SYNRG: variants seen among roughly 807,000 people sequenced by gnomAD.
SYNRG encodes AP1 gamma subunit binding protein 1.
Under a neutral mutation model 130.9 loss-of-function variants are expected in SYNRG, and 37 were observed. The ratio of observed to expected loss-of-function variants is 0.28; its 90% CI spans 0.22 to 0.37. The LOEUF (loss-of-function observed/expected upper bound fraction) is 0.37, where lower values mean the gene tolerates loss of function less well. SYNRG is among the 10% of genes least tolerant of loss of function. The pLI, the probability that SYNRG is intolerant of heterozygous loss-of-function variation, is 1.00. For synonymous variants in SYNRG, 539 were observed against 568.1 expected (o/e 0.95, Z 0.73); for missense variants, 1,338 against 1,588.9 (o/e 0.84, Z 2.68).
chr17:37,601,999 G>C (rs933113274), intron 1 of SYNRG, among the ~76,000 whole-genome samples: 1 of 151,826 alleles, frequency 6.6e-6, no homozygotes, highest in Non-Finnish European at 1.5e-5. Context: ...CTGGGCGACA[G>C]AGTGAGATTC....
intron 19 of SYNRG, among the ~76,000 whole-genome samples, chr17:37,527,514 A>G (rs1399810702): frequency 6.6e-6 from 1 of 152,244 alleles, no homozygotes; most frequent in Non-Finnish European, 1.5e-5. Flanking sequence ...TTGCCAGTAC[A>G]GTCAGCCCTC....
At chr17:37,579,610 A>T (rs753599154) in intron 6 of SYNRG, among the ~76,000 whole-genome samples, 1 of 152,242 alleles carries the variant, frequency 6.6e-6, no homozygotes, top group Non-Finnish European at 1.5e-5. Flanking sequence ...AAACACTTTG[A>T]TGTCTATTTA....
chr17:37,538,195 C>A, intron 18 of SYNRG, 129 bp downstream of exon 18: 1 of 657,126 alleles, frequency 1.5e-6, no homozygotes, highest in Admixed American at 3.2e-5. Context: ...AGTGTCTTAC[C>A]CACAAATACA....
At chr17:37,541,612 T>G (rs749608787) in intron 15 of SYNRG, 3 of 241,310 alleles carry the variant, frequency 1.2e-5, no homozygotes, top group African/African-American at 4.5e-5. Flanking sequence ...TTTGCAACCT[T>G]TGGATTAAAA....
chr17:37,550,070 ATAGT>A (rs956792647), intron 14 of SYNRG, among the ~76,000 whole-genome samples: 2 of 152,164 alleles, frequency 1.3e-5, no homozygotes, highest in African/African-American at 4.8e-5. Flanking sequence ...ACATAACTAG[ATAGT>A]TATAGTTAAC....
chr17:37,591,096 A>G (rs1568506579), intron 3 of SYNRG, among the ~76,000 whole-genome samples: 1 of 152,178 alleles, frequency 6.6e-6, no homozygotes, highest in Non-Finnish European at 1.5e-5. Flanking sequence ...TCCACAAAAA[A>G]ATTCCCAGAG....
chr17:37,548,825 TAAA>T (rs549765253), intron 14 of SYNRG, among the ~76,000 whole-genome samples: 1 of 100,966 alleles, frequency 9.9e-6, no homozygotes, highest in Non-Finnish European at 2.0e-5. Context: ...AACTCTGTCT[TAAA>T]AAAAAAAAAA....
chr17:37,540,217 G>T (rs1308452649), intron 16 of SYNRG, among the ~76,000 whole-genome samples, 163 bp downstream of exon 16: 2 of 152,144 alleles, frequency 1.3e-5, no homozygotes, highest in African/African-American at 4.8e-5. Context: ...TTCACCCAGG[G>T]CTAATGTTAC....
At chr17:37,581,773 T>A (rs1267736604) in intron 6 of SYNRG, among the ~76,000 whole-genome samples, 2 of 149,914 alleles carry the variant, frequency 1.3e-5, no homozygotes, top group African/African-American at 4.9e-5. Flanking sequence ...TTCTTTTTTT[T>A]TTTTTTTTTG....
At chr17:37,576,214 G>T in intron 8 of SYNRG, 127 bp downstream of exon 8, 2 of 855,278 alleles carry the variant, frequency 2.3e-6, no homozygotes, top group South Asian at 1.8e-5. Context: ...TACTCTTTCA[G>T]AAAAAAAGAA....
Position 37,553,227 on chromosome 17 carries a change from G to C in SYNRG, c.2496C>G (p.Leu832=). 13 of 1,614,066 alleles carry C rather than the reference G, an allele frequency of 8.1e-6. No homozygotes were observed. Among genetic ancestry groups the C allele is most frequent in the African/African-American group, 1.3e-5 (1 of 75,042 alleles). The change falls in exon 14 of 22, where the codon CTC becomes CTG. Residue 832 remains leucine, a synonymous_variant. Coordinates refer to ENST00000612223, the MANE Select transcript of SYNRG (RefSeq NM_007247.6). Reference sequence around the variant, plus strand: ...CCAATTTCATGTCAAACTGAACAGAGAGTGCATCTTCAGAGTCCTCCTTGC... The same window carrying C: ...CCAATTTCATGTCAAACTGAACAGACAGTGCATCTTCAGAGTCCTCCTTGC... The part of the protein sequence containing the change: ...SVGKEDSEDA[L]SVQFDMKLAD...
At chr17:37,576,251 G>GT in intron 8 of SYNRG, 90 bp downstream of exon 8, 6 of 1,274,536 alleles carry the variant, frequency 4.7e-6, no homozygotes, top group Non-Finnish European at 6.6e-6. Flanking sequence ...TGCATTTTTT[G>GT]TAAGTGCAAC....
rs2054606268 is a variant in SYNRG at position 37,518,635 on chromosome 17, TCA to T, written c.*303_*304del. The T allele has an allele frequency of 9.3e-6, 3 of 322,294 alleles. No homozygotes were observed. Among genetic ancestry groups the T allele is most frequent in the Non-Finnish European group, 1.7e-5 (3 of 175,928 alleles). The allele number at this position is 322,294 out of a possible 1,614,324, so 20.0% of individuals were successfully genotyped here. On this transcript the variant is annotated 3_prime_UTR_variant, in exon 22 of 22. Transcript: ENST00000612223. The stretch of plus-strand genomic sequence containing the variant: ...CTATTTTTCTTCAAATGTCAGTTCT[TCA>T]CAGTTTCAATACTGCAGCAGCAAGT...
intron 19 of SYNRG, among the ~76,000 whole-genome samples, chr17:37,528,180 T>C (rs1219237885): frequency 2.0e-5 from 3 of 152,230 alleles, no homozygotes; most frequent in Non-Finnish European, 4.4e-5. Flanking sequence ...CTGAAAATTA[T>C]ACATCTAGAA....
Position 37,585,405 on chromosome 17 carries a change from G to A in SYNRG, c.397C>T (p.Leu133Phe), listed in dbSNP as rs1437414341. Reference sequence around the variant, plus strand: ...CGTCTTTTTCTTTCTTCTTCTAAGAGTTTTTGCTGCTGTTCAAATCGTTTC... The same window carrying A: ...CGTCTTTTTCTTTCTTCTTCTAAGAATTTTTGCTGCTGTTCAAATCGTTTC... ...QQKRFEQQQK[L>F]LEEERKRRQF... The change falls in exon 5 of 22, where the codon CTC (leucine) becomes TTC (phenylalanine). Residue 133 changes from leucine (L) to phenylalanine (F), a missense_variant. Physicochemically the swap from Leu to Phe is conservative, Grantham distance 22. Transcript: ENST00000612223. 6.2e-7 allele frequency: 1 copy of A among 1,613,344 alleles called. No homozygotes were observed. Among genetic ancestry groups the A allele is most frequent in the Non-Finnish European group, 8.5e-7 (1 of 1,180,012 alleles).
chr17:37,584,674 G>A lies in SYNRG; in HGVS notation c.563C>T (p.Thr188Ile), dbSNP rs1235918008. Residue 188 changes from threonine to isoleucine, a missense_variant, in exon 6 of 22, where the codon ACT (threonine) becomes ATT (isoleucine). By Grantham distance (89) the Thr-to-Ile change is moderately conservative. Transcript: ENST00000612223. ...GFSRDAKMHPTPASHPKKPGP... is the reference protein window; with the variant it reads ...GFSRDAKMHPIPASHPKKPGP... ...TGGTTTCTTGGGGTGCGATGCTGGAGTAGGGTGCATTTTTGCATCTCTGGA... is the reference window on the plus strand; with the variant it reads ...TGGTTTCTTGGGGTGCGATGCTGGAATAGGGTGCATTTTTGCATCTCTGGA... 7 of 1,613,942 alleles carry A rather than the reference G, an allele frequency of 4.3e-6. No homozygotes were observed. The highest frequency in any genetic ancestry group is 5.9e-6 in the Non-Finnish European group (7 of 1,179,850).
intron 1 of SYNRG, chr17:37,606,060 T>C (rs2063719364): frequency 1.1e-6 from 1 of 951,532 alleles, no homozygotes. Context: ...GTTAAAACTA[T>C]GAAATGATTT....
rs1237374594 is a variant in SYNRG, at chr17:37,518,415, C to T, written c.*525G>A. On this transcript the variant is annotated 3_prime_UTR_variant, in exon 22 of 22. Transcript: ENST00000612223. Reference sequence around the variant, plus strand: ...TCTGCCCTCACCTGCCTGCTACTGTCCAGGGGAGATGGGCAGAATCTTCTC... The same window carrying T: ...TCTGCCCTCACCTGCCTGCTACTGTTCAGGGGAGATGGGCAGAATCTTCTC... 6.5e-6 allele frequency: 1 copy of T among 153,420 alleles called. No individual in the cohort carries two copies. Among genetic ancestry groups the T allele is most frequent in the African/African-American group, 2.4e-5 (1 of 41,434 alleles). 9.5% of individuals were successfully genotyped at this position (153,420 alleles called of 1,614,324 possible).
chr17:37,563,134 C>A (rs1388925925), intron 11 of SYNRG, among the ~76,000 whole-genome samples: 1 of 152,164 alleles, frequency 6.6e-6, no homozygotes, highest in African/African-American at 2.4e-5. Context: ...CCAGTTCTTT[C>A]TCTGAAGTTA....
Sources: allele counts gnomAD v4.1 joint callset (sites outside exome capture counted in the v4.1 genomes callset), GRCh38; gene constraint gnomAD v4.1.1; transcripts MANE v1.5; gene names NCBI Gene and HGNC (gene_info 2026-07-23, HGNC 2026-07-21).